The following MBNL2 variants were observed in gnomAD, a reference collection of about 807,000 sequenced individuals.
The protein encoded by MBNL2 is muscleblind like splicing regulator 2.
In MBNL2, 17 loss-of-function variants were observed where a neutral mutation model predicts 41.9. That is an observed-to-expected ratio of 0.41 (90% CI 0.28 to 0.61). The LOEUF is 0.61. Among genes scored for constraint, MBNL2 ranks in the 20% least tolerant of loss-of-function variants. The probability of loss-of-function intolerance (pLI) is 0.35; values close to 1 mark genes in which losing one functional copy is unlikely to be tolerated. For synonymous variants in MBNL2, 195 were observed against 182.9 expected, an observed-to-expected ratio of 1.07 and a Z score of -0.53; for missense variants, 336 against 505.6, an observed-to-expected ratio of 0.66 and a Z score of 3.22.
intron 1 of MBNL2, among the ~76,000 whole-genome samples, chr13:97,243,032 G>A (rs2152816197): frequency 6.6e-6 from 1 of 152,254 alleles, no homozygotes; most frequent in Non-Finnish European, 1.5e-5. Context: ...AAGCCCCAAA[G>A]CTTGGGCATG....
Position 97,346,809 on chromosome 13 carries a change from C to A in MBNL2, c.546C>A (p.Cys182Ter). Reference sequence around the variant, plus strand: ...GCTCTTCTTCCCTGTCTTAGGTATGCAGGGAGTTCCAGCGAGGAAACTGTG... The same window carrying A: ...GCTCTTCTTCCCTGTCTTAGGTATGAAGGGAGTTCCAGCGAGGAAACTGTG... ...KLLRTDKLEV[C>*]REFQRGNCAR... Residue 182 changes from cysteine (C) to a stop codon, truncating the protein, a stop_gained, in exon 5 of 9, where the codon TGC (cysteine) becomes TGA (stop). Transcript: ENST00000679496. LOFTEE classifies it high-confidence loss of function. The surrounding 1 kb of genome is among the most constrained non-coding windows in gnomAD (Gnocchi z 4.2). 1 of 1,613,794 alleles carries A rather than the reference C, an allele frequency of 6.2e-7. No individual in the cohort carries two copies. The highest frequency in any genetic ancestry group is 8.5e-7 in the Non-Finnish European group (1 of 1,179,758).
At chr13:97,332,569 A>T (rs1055599333) in intron 2 of MBNL2, among the ~76,000 whole-genome samples, 1 of 152,240 alleles carries the variant, frequency 6.6e-6, no homozygotes, top group Non-Finnish European at 1.5e-5. Flanking sequence ...GAGATTTAGG[A>T]TTAAAAATTT....
At chr13:97,226,606 G>A (rs955786655) in intron 1 of MBNL2, among the ~76,000 whole-genome samples, 10 of 152,196 alleles carry the variant, frequency 6.6e-5, no homozygotes, top group African/African-American at 2.4e-4. Flanking sequence ...GCTTGGGGCA[G>A]TTTTAGTGAT....
At position 97,343,111 on chromosome 13, in the gene MBNL2, A is replaced by C. The variant is rs781149127; in HGVS notation, c.435A>C (p.Pro145=). The C allele has an allele frequency of 1.5e-5, 25 of 1,613,958 alleles. No individual in the cohort carries two copies. The highest frequency in any genetic ancestry group is 2.1e-5 in the Non-Finnish European group (25 of 1,179,934). Residue 145 remains proline (P), a synonymous_variant, in exon 4 of 9, where the codon CCA becomes CCC. Coordinates refer to ENST00000679496, the MANE Select transcript of MBNL2 (RefSeq NM_001382683.1). ...TAACCCCTGGAGTTGGGTTGGTCCC[A>C]ACGGAAATTCTGCCCACCACGCCTG... The part of the protein sequence containing the change: ...APVTPGVGLV[P]TEILPTTPVI...
the MBNL2 span, among the ~76,000 whole-genome samples, chr13:97,177,604 T>A: frequency 3.9e-5 from 6 of 152,002 alleles, no homozygotes; most frequent in African/African-American, 1.4e-4. Flanking sequence ...AATGAAGAAA[T>A]AGAGAAAAGT....
chr13:97,145,749 C>T, the MBNL2 span, among the ~76,000 whole-genome samples: 1 of 152,138 alleles, frequency 6.6e-6, no homozygotes, highest in Admixed American at 6.5e-5. Flanking sequence ...CAGAAAAGAG[C>T]CTGCCAAGTG....
At position 97,391,646 on chromosome 13, in the gene MBNL2, G is replaced by A. The variant is rs2066394415; in HGVS notation, c.*197G>A. ...TTTCTAAACATAGTTTCTGTCCTAG[G>A]AATATTGTCTTATCTCCATAACTAT... On this transcript the variant is annotated 3_prime_UTR_variant, in exon 9 of 9. Coordinates refer to ENST00000679496, the MANE Select transcript of MBNL2 (RefSeq NM_001382683.1). 2.1e-6 allele frequency: 1 copy of A among 486,440 alleles called. No individual in the cohort carries two copies. Among genetic ancestry groups the A allele is most frequent in the Non-Finnish European group, 3.6e-6 (1 of 279,334 alleles). The allele number at this position is 486,440 out of a possible 1,614,324, so 30.1% of individuals were successfully genotyped here.
intron 2 of MBNL2, among the ~76,000 whole-genome samples, chr13:97,297,533 G>T (rs1432640368): frequency 6.6e-6 from 1 of 152,132 alleles, no homozygotes; most frequent in Non-Finnish European, 1.5e-5. Context: ...CTCTGACTCT[G>T]CTTTCTCTAA....
chr13:97,360,166 T>C (rs1451494730), intron 7 of MBNL2, among the ~76,000 whole-genome samples: 1 of 152,230 alleles, frequency 6.6e-6, no homozygotes, highest in Non-Finnish European at 1.5e-5. Flanking sequence ...ATAAATGTTT[T>C]ACGTAAACAT....
chr13:97,337,632 C>T lies in MBNL2; in HGVS notation c.339+3192C>T, dbSNP rs115873499. On this transcript the variant is annotated intron_variant, in intron 3 of 8. Transcript: ENST00000679496. ...CCAGGCTCACATATCCACCTTTCTACTGGCCTCACCTTTAAATTTCTTAAA... is the reference window on the plus strand; with the variant it reads ...CCAGGCTCACATATCCACCTTTCTATTGGCCTCACCTTTAAATTTCTTAAA... 3.7e-3 allele frequency among the ~76,000 whole-genome samples: 568 copies of T among 152,340 alleles called. 3 individuals are homozygous for T. The highest frequency in any genetic ancestry group is 0.013 in the African/African-American group (546 of 41,576).
At chr13:97,171,288 A>T in the MBNL2 span, among the ~76,000 whole-genome samples, 1 of 152,192 alleles carries the variant, frequency 6.6e-6, no homozygotes. Flanking sequence ...AGGAAACATA[A>T]CTATAGAGGC....
At chr13:97,194,653 T>C in the MBNL2 span, among the ~76,000 whole-genome samples, 3 of 152,104 alleles carry the variant, frequency 2.0e-5, no homozygotes, top group Non-Finnish European at 4.4e-5. Context: ...ATACAGGACA[T>C]AAAGACCCTG....
upstream of MBNL2, among the ~76,000 whole-genome samples, chr13:97,218,010 C>T (rs915843406): frequency 1.3e-5 from 2 of 151,986 alleles, no homozygotes; most frequent in African/African-American, 2.4e-5. Context: ...AAGTGGGAAA[C>T]GTAAGAGAAA....
intron 1 of MBNL2, among the ~76,000 whole-genome samples, chr13:97,269,826 A>T (rs1703736362): frequency 1.1e-5 from 1 of 90,418 alleles, no homozygotes; most frequent in Admixed American, 1.2e-4. Flanking sequence ...CTGCTCTCAG[A>T]CTCTGTGGCT....
chr13:97,371,955 A>T (rs1002149274), intron 8 of MBNL2, among the ~76,000 whole-genome samples: 1 of 152,100 alleles, frequency 6.6e-6, no homozygotes, highest in Non-Finnish European at 1.5e-5. Context: ...GGGCCTTCCC[A>T]TTTCCTACCT....
intron 5 of MBNL2, among the ~76,000 whole-genome samples, chr13:97,350,825 TCA>T (rs1310194850): frequency 6.6e-6 from 1 of 152,224 alleles, no homozygotes; most frequent in Non-Finnish European, 1.5e-5. Context: ...CTTGAACCCC[TCA>T]AAGTCATCCA....
the MBNL2 span, among the ~76,000 whole-genome samples, chr13:97,160,193 G>T: frequency 1.3e-5 from 2 of 152,158 alleles, no homozygotes; most frequent in Non-Finnish European, 2.9e-5. Flanking sequence ...TACGGTGAAA[G>T]AGCCTTCTGC....
intron 1 of MBNL2, among the ~76,000 whole-genome samples, chr13:97,266,600 G>A (rs1356765823): frequency 6.6e-6 from 1 of 152,274 alleles, no homozygotes; most frequent in Non-Finnish European, 1.5e-5. Context: ...GGCTTAGGAT[G>A]CGGCCAAGTC....
chr13:97,180,465 G>A, the MBNL2 span, among the ~76,000 whole-genome samples: 1 of 152,128 alleles, frequency 6.6e-6, no homozygotes, highest in South Asian at 2.1e-4. Context: ...GGCCAGGCAT[G>A]GTGGCTCACA....
Sources: gnomAD v4.1 joint callset for allele counts (sites outside exome capture counted in the v4.1 genomes callset) on GRCh38, gnomAD v4.1.1 for gene constraint, Gnocchi (gnomAD v3.1) non-coding constraint, MANE v1.5 for transcripts, NCBI Gene and HGNC (gene_info 2026-07-23, HGNC 2026-07-21) for gene names.